Variants in MIPEP observed in about 807,000 individuals in gnomAD.
MIPEP encodes mitochondrial intermediate peptidase.
A neutral mutation model predicts 90.3 loss-of-function variants in MIPEP; 79 were observed. The observed-to-expected ratio is 0.87, with a 90% confidence interval of 0.73 to 1.05. The LOEUF (loss-of-function observed/expected upper bound fraction) is 1.05. Among genes scored for constraint, MIPEP ranks in the 50% least tolerant of loss-of-function variants. MIPEP has a pLI of 0.00. For missense variants in MIPEP, 940 were observed against 905.6 expected (o/e 1.04, Z -0.49); for synonymous variants, 334 against 315.8 (o/e 1.06, Z -0.61).
chr13:23,887,292 A>G (rs1566030566), intron 1 of MIPEP, among the ~76,000 whole-genome samples: 1 of 152,232 alleles, frequency 6.6e-6, no homozygotes, highest in African/African-American at 2.4e-5. Flanking sequence ...ACACTCAGGA[A>G]GGCAGGGGGA....
intron 7 of MIPEP, among the ~76,000 whole-genome samples, chr13:23,867,116 C>T (rs1399556269): frequency 6.6e-6 from 1 of 152,146 alleles, no homozygotes; most frequent in Non-Finnish European, 1.5e-5. Context: ...GCAGCACTGA[C>T]TCACCATTAG....
At chr13:23,828,351 G>A (rs561651227) in intron 14 of MIPEP, among the ~76,000 whole-genome samples, 2 of 152,258 alleles carry the variant, frequency 1.3e-5, no homozygotes, top group African/African-American at 4.8e-5. Context: ...AAGGTAAACA[G>A]AAAAGATACG....
intron 14 of MIPEP, among the ~76,000 whole-genome samples, chr13:23,823,951 C>T (rs894784177): frequency 1.3e-5 from 2 of 152,158 alleles, no homozygotes; most frequent in Non-Finnish European, 2.9e-5. Context: ...CTATGCTATA[C>T]TGCCTTACCA....
chr13:23,824,680 G>A (rs1410995410), intron 14 of MIPEP, among the ~76,000 whole-genome samples: 2 of 152,134 alleles, frequency 1.3e-5, no homozygotes, highest in Non-Finnish European at 2.9e-5. Context: ...AGCTTGTTTT[G>A]ATATAACCAG....
intron 2 of MIPEP, among the ~76,000 whole-genome samples, chr13:23,882,410 C>T (rs146971243): frequency 2.3e-4 from 35 of 152,048 alleles, no homozygotes; most frequent in African/African-American, 8.0e-4. Context: ...ACATTCTAGT[C>T]TTTGATTTAA....
At chr13:23,879,789 T>C (rs1438072056) in intron 3 of MIPEP, among the ~76,000 whole-genome samples, 3 of 152,308 alleles carry the variant, frequency 2.0e-5, no homozygotes, top group Non-Finnish European at 4.4e-5. Flanking sequence ...TTGTTACTGC[T>C]GTGGGACCTT....
chr13:23,798,547 T>A (rs1952990696), intron 16 of MIPEP, among the ~76,000 whole-genome samples: 2 of 152,206 alleles, frequency 1.3e-5, no homozygotes, highest in African/African-American at 4.8e-5. Context: ...TCTAGATATG[T>A]GTCTTGGCCC....
At chr13:23,764,458 T>A (rs1952575154) in intron 16 of MIPEP, among the ~76,000 whole-genome samples, 1 of 152,180 alleles carries the variant, frequency 6.6e-6, no homozygotes, top group Non-Finnish European at 1.5e-5. Flanking sequence ...TACTATCTAT[T>A]TTCAGTTTCA....
intron 5 of MIPEP, among the ~76,000 whole-genome samples, chr13:23,871,161 T>G (rs139492289): frequency 6.6e-6 from 1 of 152,238 alleles, no homozygotes; most frequent in Non-Finnish European, 1.5e-5. Flanking sequence ...ATGTGGCACA[T>G]GGTCCTTGCT....
chr13:23,778,359 G>T (rs541688429), intron 16 of MIPEP, among the ~76,000 whole-genome samples: 3 of 152,218 alleles, frequency 2.0e-5, no homozygotes, highest in African/African-American at 4.8e-5. Flanking sequence ...AAATCATGAT[G>T]TGTGCAAGAC....
chr13:23,809,717 T>C (rs1292269413), intron 15 of MIPEP, 133 bp downstream of exon 15: 2 of 616,778 alleles, frequency 3.2e-6, no homozygotes, highest in East Asian at 5.9e-5. Context: ...GGTCAAGTTC[T>C]TTGAACTCAG....
intron 13 of MIPEP, among the ~76,000 whole-genome samples, chr13:23,836,992 ATG>A (rs1566012112): frequency 6.6e-6 from 1 of 152,212 alleles, no homozygotes; most frequent in Non-Finnish European, 1.5e-5. Context: ...TGCTGACCAT[ATG>A]TGATAGGGAG....
chr13:23,738,062 A>T (rs774825836), intron 18 of MIPEP, among the ~76,000 whole-genome samples: 4 of 152,234 alleles, frequency 2.6e-5, no homozygotes, highest in Non-Finnish European at 1.5e-5. Context: ...AGAAACTATT[A>T]ATTGAATATT....
At chr13:23,748,778 T>TG (rs1414487098) in intron 18 of MIPEP, among the ~76,000 whole-genome samples, 2 of 152,250 alleles carry the variant, frequency 1.3e-5, no homozygotes. Flanking sequence ...AAGCCAAGGC[T>TG]GGTGCTTTGA....
chr13:23,754,317 C>T (rs1252033216), intron 18 of MIPEP, among the ~76,000 whole-genome samples: 3 of 152,134 alleles, frequency 2.0e-5, no homozygotes, highest in Non-Finnish European at 4.4e-5. Context: ...ACTGGCATAA[C>T]CCTCTTTGCA....
intron 18 of MIPEP, among the ~76,000 whole-genome samples, chr13:23,733,421 C>T (rs1259590352): frequency 6.6e-6 from 1 of 152,118 alleles, no homozygotes; most frequent in Non-Finnish European, 1.5e-5. Context: ...GGTCCCAGGG[C>T]TCTGAACCAG....
At chr13:23,818,032 C>T (rs1013844983) in intron 14 of MIPEP, among the ~76,000 whole-genome samples, 6 of 152,052 alleles carry the variant, frequency 3.9e-5, no homozygotes, top group African/African-American at 9.6e-5. Context: ...CCTGTAACTC[C>T]GTGTCATTGT....
intron 2 of MIPEP, among the ~76,000 whole-genome samples, chr13:23,886,037 T>C (rs1278683548): frequency 2.0e-5 from 3 of 151,840 alleles, no homozygotes; most frequent in Non-Finnish European, 4.4e-5. Context: ...TGTAAATATA[T>C]ATTACCCAAA....
chr13:23,864,894 A>G (rs1870466737), intron 7 of MIPEP, among the ~76,000 whole-genome samples: 1 of 152,180 alleles, frequency 6.6e-6, no homozygotes. Context: ...GTTCATAAAA[A>G]TAGGTGCAGT....
Sources: allele counts gnomAD v4.1 joint callset (sites outside exome capture counted in the v4.1 genomes callset), GRCh38; gene constraint gnomAD v4.1.1; transcripts MANE v1.5; gene names NCBI Gene and HGNC (gene_info 2026-07-23, HGNC 2026-07-21).